MAD1L1: variants seen among roughly 807,000 people sequenced by gnomAD.
MAD1L1 encodes the protein mitotic arrest deficient 1 like 1.
A neutral mutation model predicts 96.9 loss-of-function variants in MAD1L1; 95 were observed. The ratio of observed to expected loss-of-function variants is 0.98; its 90% CI spans 0.83 to 1.16. MAD1L1 has a LOEUF of 1.16. Ranked by LOEUF, MAD1L1 falls within the 50% of genes most tolerant of loss-of-function variation. The probability of loss-of-function intolerance (pLI) is 0.00; values close to 1 mark genes in which losing one functional copy is unlikely to be tolerated. For missense variants in MAD1L1, 1,007 were observed against 954.4 expected, an observed-to-expected ratio of 1.06 and a Z score of -0.73; for synonymous variants, 473 against 396.6, an observed-to-expected ratio of 1.19 and a Z score of -2.29.
At chr7:2,063,186 G>T (rs1057280115) in intron 12 of MAD1L1, among the ~76,000 whole-genome samples, 3 of 152,208 alleles carry the variant, frequency 2.0e-5, no homozygotes, top group Non-Finnish European at 4.4e-5. Flanking sequence ...CTTTGCACAC[G>T]CAATGTGTTT....
chr7:1,882,451 T>C (rs113115323), intron 18 of MAD1L1, among the ~76,000 whole-genome samples: 129 of 152,208 alleles, frequency 8.5e-4, no homozygotes, highest in Non-Finnish European at 1.5e-3. Flanking sequence ...AGACTGTGAA[T>C]GGCCTTGCCT....
intron 10 of MAD1L1, among the ~76,000 whole-genome samples, chr7:2,209,109 G>A (rs970926707): frequency 3.9e-5 from 6 of 152,248 alleles, no homozygotes; most frequent in East Asian, 1.9e-4. Flanking sequence ...CCCAGCCTGC[G>A]TGAACCCGTG....
intron 15 of MAD1L1, among the ~76,000 whole-genome samples, chr7:1,964,645 A>G (rs1433688227): frequency 6.6e-6 from 1 of 152,208 alleles, no homozygotes; most frequent in Non-Finnish European, 1.5e-5. Context: ...AAACACGAGG[A>G]GCGCTACATA....
At chr7:1,831,048 A>G (rs1452005171) in intron 18 of MAD1L1, among the ~76,000 whole-genome samples, 2 of 152,300 alleles carry the variant, frequency 1.3e-5, no homozygotes, top group Non-Finnish European at 2.9e-5. Context: ...TGAAGCAGAT[A>G]CAGCGTGCTC....
intron 10 of MAD1L1, among the ~76,000 whole-genome samples, chr7:2,161,358 C>A (rs1003699395): frequency 2.6e-5 from 4 of 151,996 alleles, no homozygotes; most frequent in African/African-American, 7.3e-5. Context: ...CTGCCAGCCT[C>A]GGCCTCCCGC....
In MAD1L1 at chr7:1,931,933, G is replaced by A. The variant is rs576760232; in HGVS notation, c.1807+4754C>T. Among the ~76,000 whole-genome samples, 159 of 152,308 alleles carry A rather than the reference G, an allele frequency of 1.0e-3. 1 individual carries two copies. The South Asian group carries it at 0.015, about 14-fold the overall frequency. On this transcript the variant is annotated intron_variant, in intron 17 of 18. Transcript: ENST00000265854. ...CAGGTGCTTCCCAGTCTTTTTGTGC[G>A]GGGCAGCAAACCTAAAACCTGAGAA...
intron 10 of MAD1L1, among the ~76,000 whole-genome samples, chr7:2,174,465 G>C (rs1790854497): frequency 6.6e-6 from 1 of 152,162 alleles, no homozygotes; most frequent in Non-Finnish European, 1.5e-5. Flanking sequence ...CTTCAGTCTA[G>C]AAGAGGATGA....
chr7:2,071,349 C>T (rs1262763536), intron 11 of MAD1L1, among the ~76,000 whole-genome samples: 1 of 152,260 alleles, frequency 6.6e-6, no homozygotes, highest in African/African-American at 2.4e-5. Flanking sequence ...TCAGCCGGCC[C>T]CAGCAGAAGC....
intron 3 of MAD1L1, among the ~76,000 whole-genome samples, chr7:2,228,655 A>G (rs1794034797): frequency 1.2e-5 from 1 of 80,140 alleles, no homozygotes; most frequent in East Asian, 3.2e-4. Context: ...ATATATATAC[A>G]CACACACATA....
chr7:2,153,526 A>C (rs1789680848), intron 10 of MAD1L1, among the ~76,000 whole-genome samples: 1 of 152,224 alleles, frequency 6.6e-6, no homozygotes, highest in Admixed American at 6.5e-5. Flanking sequence ...AATGGCTAAT[A>C]AACAGACCAA....
chr7:1,970,931 A>AT (rs1780375587), intron 15 of MAD1L1, among the ~76,000 whole-genome samples: 1 of 152,218 alleles, frequency 6.6e-6, no homozygotes. Context: ...CTCGCCGACC[A>AT]TGAACTCAGG....
At chr7:1,918,953 T>G (rs1373062273) in intron 17 of MAD1L1, among the ~76,000 whole-genome samples, 1 of 150,466 alleles carries the variant, frequency 6.6e-6, no homozygotes, top group Non-Finnish European at 1.5e-5. Context: ...GCACTGATCC[T>G]TCCAACACCC....
intron 17 of MAD1L1, among the ~76,000 whole-genome samples, chr7:1,932,559 G>A (rs1789542808): frequency 6.6e-6 from 1 of 152,262 alleles, no homozygotes; most frequent in Non-Finnish European, 1.5e-5. Context: ...AGGTGCTGCT[G>A]CTAGGAAACG....
At chr7:2,138,731 A>C (rs952036576) in intron 11 of MAD1L1, among the ~76,000 whole-genome samples, 5 of 152,070 alleles carry the variant, frequency 3.3e-5, no homozygotes, top group African/African-American at 1.2e-4. Flanking sequence ...GGCTGCACAT[A>C]CCCTTCAAAG....
At chr7:2,164,195 C>T (rs1790307374) in intron 10 of MAD1L1, among the ~76,000 whole-genome samples, 1 of 152,188 alleles carries the variant, frequency 6.6e-6, no homozygotes, top group African/African-American at 2.4e-5. Context: ...TTTCTCTATC[C>T]ACTGGCCTCT....
intron 11 of MAD1L1, among the ~76,000 whole-genome samples, chr7:2,145,213 G>A (rs1171848923): frequency 1.3e-5 from 2 of 152,130 alleles, no homozygotes; most frequent in East Asian, 1.9e-4. Flanking sequence ...ACGTCATCCC[G>A]CTGAATCCTC....
At chr7:1,867,444 T>C (rs926001538) in intron 18 of MAD1L1, among the ~76,000 whole-genome samples, 2 of 152,190 alleles carry the variant, frequency 1.3e-5, no homozygotes, top group African/African-American at 4.8e-5. Flanking sequence ...CAGCTTCCTC[T>C]GGGGGCCGCA....
intron 12 of MAD1L1, among the ~76,000 whole-genome samples, chr7:2,023,019 C>A (rs1328271896): frequency 6.6e-6 from 1 of 152,202 alleles, no homozygotes; most frequent in African/African-American, 2.4e-5. Context: ...TACTTAACAA[C>A]AGTGTCTCAA....
intron 15 of MAD1L1, among the ~76,000 whole-genome samples, chr7:1,973,479 G>A (rs571513109): frequency 2.0e-5 from 3 of 151,898 alleles, no homozygotes; most frequent in Admixed American, 6.5e-5. Context: ...CGAGGGCCAC[G>A]GAAGGGTGGA....
Sources: allele counts gnomAD v4.1 joint callset (sites outside exome capture counted in the v4.1 genomes callset), GRCh38; gene constraint gnomAD v4.1.1; transcripts MANE v1.5; gene names NCBI Gene and HGNC (gene_info 2026-07-23, HGNC 2026-07-21).